Variants in STX8 observed in about 807,000 individuals in gnomAD.
The protein encoded by STX8 is syntaxin-8.
In STX8, 23 loss-of-function variants were observed where a neutral mutation model predicts 37.5. The observed-to-expected ratio is 0.61, with a 90% CI of 0.44 to 0.87. The LOEUF is 0.87. STX8 is among the 40% of genes least tolerant of loss of function. STX8 has a pLI of 0.00. For synonymous variants in STX8, 115 were observed against 99.1 expected (o/e 1.16, Z -0.95); for missense variants, 313 against 284.7 (o/e 1.10, Z -0.71).
At chr17:9,262,075 T>C (rs1299670935) in intron 7 of STX8, among the ~76,000 whole-genome samples, 2 of 152,168 alleles carry the variant, frequency 1.3e-5, no homozygotes, top group African/African-American at 2.4e-5. Flanking sequence ...ACTACCAAAG[T>C]TCTACAAAGG....
At chr17:9,420,625 C>T (rs77802479) in intron 6 of STX8, among the ~76,000 whole-genome samples, 9,303 of 152,222 alleles carry the variant, frequency 0.061, 363 homozygotes, top group Middle Eastern at 0.085. Flanking sequence ...TTCTTCCTTT[C>T]AACACCAACC....
chr17:9,288,183 GAAAAA>G (rs549489976), intron 7 of STX8, among the ~76,000 whole-genome samples: 3 of 84,902 alleles, frequency 3.5e-5, no homozygotes, highest in Non-Finnish European at 6.8e-5. Flanking sequence ...CCTTCCCCCT[GAAAAA>G]AAAAAAAACA....
At chr17:9,268,771 A>T (rs1012022146) in intron 7 of STX8, among the ~76,000 whole-genome samples, 4 of 152,204 alleles carry the variant, frequency 2.6e-5, no homozygotes, top group Non-Finnish European at 5.9e-5. Context: ...GGGCAGATTC[A>T]ACAATGTCAC....
chr17:9,262,116 G>A (rs1308642115), intron 7 of STX8, among the ~76,000 whole-genome samples: 1 of 152,196 alleles, frequency 6.6e-6, no homozygotes, highest in Non-Finnish European at 1.5e-5. Context: ...GCTACCATAA[G>A]GCTTTGTCAA....
chr17:9,284,460 T>G (rs1908004470), intron 7 of STX8, among the ~76,000 whole-genome samples: 1 of 152,204 alleles, frequency 6.6e-6, no homozygotes, highest in African/African-American at 2.4e-5. Flanking sequence ...CAGCATTCAC[T>G]TAAGGCAATG....
chr17:9,443,761 C>G (rs188832712), intron 6 of STX8, among the ~76,000 whole-genome samples: 1 of 152,318 alleles, frequency 6.6e-6, no homozygotes, highest in Non-Finnish European at 1.5e-5. Context: ...GGAACCCCAC[C>G]TACCATAGGT....
intron 7 of STX8, among the ~76,000 whole-genome samples, chr17:9,339,818 A>G (rs1177880433): frequency 6.6e-6 from 1 of 152,220 alleles, no homozygotes; most frequent in African/African-American, 2.4e-5. Context: ...GAATTGGCGT[A>G]AGGACCGAAA....
intron 6 of STX8, among the ~76,000 whole-genome samples, chr17:9,410,956 C>A (rs1263366801): frequency 6.6e-6 from 1 of 152,176 alleles, no homozygotes; most frequent in African/African-American, 2.4e-5. Context: ...ATTTACAATA[C>A]ACCAGGCACT....
At chr17:9,565,377 A>T (rs1335027244) in intron 2 of STX8, among the ~76,000 whole-genome samples, 1 of 152,150 alleles carries the variant, frequency 6.6e-6, no homozygotes, top group Non-Finnish European at 1.5e-5. Context: ...GCACTTTGGG[A>T]GGCCGAGGCG....
chr17:9,364,977 G>T (rs972639221), intron 7 of STX8, among the ~76,000 whole-genome samples: 1 of 152,088 alleles, frequency 6.6e-6, no homozygotes, highest in Non-Finnish European at 1.5e-5. Context: ...GGGACAAAGA[G>T]CCAGAAATAG....
chr17:9,489,604 A>C (rs1422801041), intron 6 of STX8, among the ~76,000 whole-genome samples: 1 of 151,954 alleles, frequency 6.6e-6, no homozygotes, highest in Non-Finnish European at 1.5e-5. Flanking sequence ...AGTCCTCTCT[A>C]GTCTCACCCA....
chr17:9,262,695 C>T (rs1907087440), intron 7 of STX8, among the ~76,000 whole-genome samples: 1 of 151,998 alleles, frequency 6.6e-6, no homozygotes, highest in Non-Finnish European at 1.5e-5. Flanking sequence ...AATTCTCCTG[C>T]CTCAGCCTCC....
At chr17:9,552,478 T>C (rs1906804171) in intron 3 of STX8, among the ~76,000 whole-genome samples, 1 of 152,140 alleles carries the variant, frequency 6.6e-6, no homozygotes, top group African/African-American at 2.4e-5. Context: ...CCACTTCACC[T>C]CCACTGTAGC....
At chr17:9,338,454 CA>C (rs374461275) in intron 7 of STX8, among the ~76,000 whole-genome samples, 2 of 152,252 alleles carry the variant, frequency 1.3e-5, no homozygotes, top group East Asian at 3.9e-4. Context: ...TTACTCATTT[CA>C]AACTACCAAG....
chr17:9,332,977 G>A (rs532222692), intron 7 of STX8, among the ~76,000 whole-genome samples: 21 of 152,290 alleles, frequency 1.4e-4, no homozygotes, highest in African/African-American at 4.6e-4. Flanking sequence ...AGATGAGAAC[G>A]AGACACAATA....
intron 7 of STX8, among the ~76,000 whole-genome samples, chr17:9,338,675 C>T (rs1212599400): frequency 6.6e-6 from 1 of 152,150 alleles, no homozygotes; most frequent in Non-Finnish European, 1.5e-5. Flanking sequence ...CCAAGGACCA[C>T]CTATTTCAGG....
intron 7 of STX8, among the ~76,000 whole-genome samples, chr17:9,372,293 C>G (rs1391897257): frequency 6.6e-6 from 1 of 151,350 alleles, no homozygotes; most frequent in African/African-American, 2.4e-5. Flanking sequence ...AAGTTTAGTT[C>G]TGGTTCACTT....
intron 7 of STX8, among the ~76,000 whole-genome samples, chr17:9,376,611 A>G (rs773765748): frequency 1.3e-5 from 2 of 152,184 alleles, no homozygotes; most frequent in South Asian, 2.1e-4. Flanking sequence ...ACTGTTCACA[A>G]TAAATCTTGC....
At chr17:9,296,659 T>C (rs1187887945) in intron 7 of STX8, among the ~76,000 whole-genome samples, 1 of 151,398 alleles carries the variant, frequency 6.6e-6, no homozygotes, top group Non-Finnish European at 1.5e-5. Context: ...CCAAGGGCAT[T>C]TCTAGATAGC....
Sources: gnomAD v4.1 joint callset for allele counts (sites outside exome capture counted in the v4.1 genomes callset) on GRCh38, gnomAD v4.1.1 for gene constraint, MANE v1.5 for transcripts, NCBI Gene and HGNC (gene_info 2026-07-23, HGNC 2026-07-21) for gene names.